ABCA10: variants seen among roughly 807,000 people sequenced by gnomAD.
ABCA10 encodes the protein ATP binding cassette subfamily A member 10.
A neutral mutation model predicts 187.5 loss-of-function variants in ABCA10; 169 were observed. The observed-to-expected ratio is 0.90, with a 90% confidence interval of 0.80 to 1.02. The LOEUF is 1.02. Among genes scored for constraint, ABCA10 ranks in the 50% least tolerant of loss-of-function variants. The probability of loss-of-function intolerance (pLI) is 0.00; values close to 1 mark genes in which losing one functional copy is unlikely to be tolerated. For missense variants in ABCA10, 1,727 were observed against 1,812.4 expected (o/e 0.95, Z 0.86); for synonymous variants, 574 against 601.8 (o/e 0.95, Z 0.68).
chr17:69,217,561 T>G (rs985785734), intron 6 of ABCA10, among the ~76,000 whole-genome samples: 3 of 152,280 alleles, frequency 2.0e-5, no homozygotes, highest in Non-Finnish European at 4.4e-5. Flanking sequence ...ATCCATGCCA[T>G]GGAATAGTAC....
intron 9 of ABCA10, among the ~76,000 whole-genome samples, chr17:69,209,544 A>G (rs537781299): frequency 5.4e-4 from 82 of 152,334 alleles, no homozygotes; most frequent in African/African-American, 1.9e-3. Context: ...ATATTTTTCA[A>G]ATAAAATACC....
chr17:69,205,077 G>A (rs8071249), intron 9 of ABCA10, among the ~76,000 whole-genome samples: 4 of 151,944 alleles, frequency 2.6e-5, no homozygotes, highest in African/African-American at 9.7e-5. Flanking sequence ...GCAGTGAGCT[G>A]AGATTGTACC....
chr17:69,192,121 G>A (rs1410676171), intron 16 of ABCA10, among the ~76,000 whole-genome samples: 3 of 152,080 alleles, frequency 2.0e-5, no homozygotes, highest in African/African-American at 7.2e-5. Flanking sequence ...TCAGGAGATC[G>A]AGGCCATCCT....
chr17:69,171,754 G>T (rs2074299602), intron 25 of ABCA10, among the ~76,000 whole-genome samples: 1 of 152,172 alleles, frequency 6.6e-6, no homozygotes. Context: ...CAGTTAAAAT[G>T]TAAGCAACAA....
Position 69,182,104 on chromosome 17 carries a change from T to C in ABCA10, c.2769+49A>G, listed in dbSNP as rs2074384060. On this transcript the variant is annotated intron_variant, in intron 22 of 38. Transcript: ENST00000690296. ...TGGTAGGCTCTAGAGCCCTCATCCT[T>C]TATCCCTCTGCTGTGTTGCCTCTTA... is the stretch of plus-strand genomic sequence containing the variant. 3 of 1,450,060 alleles carry C rather than the reference T, an allele frequency of 2.1e-6. No individual in the cohort carries two copies. In the African/African-American group the frequency reaches 4.4e-5, roughly 21 times the overall value. The allele number at this position is 1,450,060 out of a possible 1,614,324, so 89.8% of individuals were successfully genotyped here.
At chr17:69,200,268 A>G (rs1422365925) in intron 10 of ABCA10, among the ~76,000 whole-genome samples, 1 of 152,176 alleles carries the variant, frequency 6.6e-6, no homozygotes, top group Admixed American at 6.5e-5. Flanking sequence ...CAAATTGTGT[A>G]TTATTGTTAT....
chr17:69,164,443 C>T (rs1022107856), intron 26 of ABCA10, among the ~76,000 whole-genome samples: 6 of 152,078 alleles, frequency 3.9e-5, no homozygotes, highest in African/African-American at 1.2e-4. Context: ...GCAAGATTTG[C>T]CCACAGTTCC....
chr17:69,156,366 C>G (rs1272053430), intron 28 of ABCA10, among the ~76,000 whole-genome samples: 1 of 152,194 alleles, frequency 6.6e-6, no homozygotes, highest in African/African-American at 2.4e-5. Flanking sequence ...TACTTACAGA[C>G]ATGTACAGGA....
chr17:69,212,957 T>C (rs1404564952), intron 9 of ABCA10, among the ~76,000 whole-genome samples: 4 of 152,190 alleles, frequency 2.6e-5, no homozygotes, highest in Non-Finnish European at 4.4e-5. Context: ...TCAATGTGGG[T>C]ATTGAGATGT....
At chr17:69,224,512 T>C (rs1460148056) in intron 3 of ABCA10, among the ~76,000 whole-genome samples, 4 of 152,088 alleles carry the variant, frequency 2.6e-5, no homozygotes, top group Non-Finnish European at 5.9e-5. Context: ...CCACCAATAG[T>C]TACTCCTAAT....
intron 1 of ABCA10, among the ~76,000 whole-genome samples, chr17:69,239,394 C>A (rs995758317): frequency 6.6e-6 from 1 of 152,108 alleles, no homozygotes; most frequent in Non-Finnish European, 1.5e-5. Context: ...TTGTAAGCTC[C>A]TTTTAGTAAA....
chr17:69,217,688 G>T (rs1297802543), intron 6 of ABCA10, among the ~76,000 whole-genome samples: 3 of 152,178 alleles, frequency 2.0e-5, no homozygotes, highest in Non-Finnish European at 2.9e-5. Flanking sequence ...TGATCAGATA[G>T]AAAGTAGAAG....
At chr17:69,200,161 G>A (rs982163733) in intron 10 of ABCA10, among the ~76,000 whole-genome samples, 64 of 152,124 alleles carry the variant, frequency 4.2e-4, no homozygotes, top group Non-Finnish European at 5.1e-4. Context: ...AACTGATTTA[G>A]TATATTTGGG....
In ABCA10 at chr17:69,167,154, A is replaced by G. The variant is rs534270548; in HGVS notation, c.3163-2071T>C. ...AACTGCCTTTTAAAGTTATTTTGCT[A>G]CTGGACAGCACCCTTGCTAACCCAG... On this transcript the variant is annotated intron_variant, in intron 25 of 38. Coordinates refer to ENST00000690296, the MANE Select transcript of ABCA10 (RefSeq NM_001377321.1). Among the ~76,000 whole-genome samples, 3 of 152,308 alleles carry G rather than the reference A, an allele frequency of 2.0e-5. No homozygotes were observed. In the South Asian group the frequency reaches 6.2e-4, roughly 32 times the overall value.
At chr17:69,221,048 T>C (rs1166702128) in intron 5 of ABCA10, among the ~76,000 whole-genome samples, 4 of 152,006 alleles carry the variant, frequency 2.6e-5, no homozygotes, top group African/African-American at 4.8e-5. Context: ...AGAAAACATA[T>C]GGGATAGAAA....
chr17:69,204,020 A>G (rs2074570055), intron 9 of ABCA10, among the ~76,000 whole-genome samples: 1 of 152,220 alleles, frequency 6.6e-6, no homozygotes, highest in Non-Finnish European at 1.5e-5. Flanking sequence ...GTTGCCCAAG[A>G]GGACACAATC....
In ABCA10 at chr17:69,165,034, A is replaced by C; in HGVS notation, c.3212T>G (p.Leu1071Arg). 1 of 1,603,388 alleles carries C rather than the reference A, an allele frequency of 6.2e-7. No individual in the cohort carries two copies. The highest frequency in any genetic ancestry group is 8.5e-7 in the Non-Finnish European group (1 of 1,170,460). ...TIMVSTQYEK[L>R]NLILCMIFIP... is the part of the protein sequence containing the mutation. Reference sequence around the variant, plus strand: ...GAAAATCATGCACAAAATTAAGTTGAGTTTTTCATATTGAGTTGATACCAT... The same window carrying C: ...GAAAATCATGCACAAAATTAAGTTGCGTTTTTCATATTGAGTTGATACCAT... The change falls in exon 26 of 39, where the codon CTC (leucine) becomes CGC (arginine). Residue 1071 changes from leucine (L) to arginine (R), a missense_variant. Physicochemically the swap from Leu to Arg is moderately radical, Grantham distance 102. Transcript: ENST00000690296.
chr17:69,218,763 C>A (rs562921036), intron 6 of ABCA10, among the ~76,000 whole-genome samples: 45 of 152,242 alleles, frequency 3.0e-4, no homozygotes, highest in African/African-American at 1.0e-3. Context: ...AACATATTGC[C>A]TCATTTAATC....
intron 30 of ABCA10, 74 bp from the exon 31 acceptor site, chr17:69,154,400 A>T: frequency 9.2e-7 from 1 of 1,083,210 alleles, no homozygotes; most frequent in South Asian, 1.6e-5. Flanking sequence ...TTGGTTGCAT[A>T]ACATTTTGAA....
Sources: allele counts gnomAD v4.1 joint callset (sites outside exome capture counted in the v4.1 genomes callset), GRCh38; gene constraint gnomAD v4.1.1; transcripts MANE v1.5; gene names NCBI Gene and HGNC (gene_info 2026-07-23, HGNC 2026-07-21).